ZNF33A: variants seen among roughly 807,000 people sequenced by gnomAD.
ZNF33A encodes the protein zinc finger protein 33A.
A neutral mutation model predicts 15.9 loss-of-function variants in ZNF33A; 9 were observed. The ratio of observed to expected loss-of-function variants is 0.57; its 90% CI spans 0.34 to 0.99. The LOEUF is 0.99. Ranked by LOEUF, ZNF33A falls within the 50% of genes least tolerant of loss-of-function variation. ZNF33A has a pLI of 0.02. For missense variants in ZNF33A, 843 were observed against 941.6 expected (o/e 0.90, Z 1.37); for synonymous variants, 294 against 324.2 (o/e 0.91, Z 1.00).
chr10:38,040,074 A>AT (rs1402861952), intron 4 of ZNF33A, among the ~76,000 whole-genome samples: 7 of 151,292 alleles, frequency 4.6e-5, no homozygotes, highest in Non-Finnish European at 8.8e-5. Context: ...ATCTCAAAGC[A>AT]TTTTTTCTAA....
At position 38,056,283 on chromosome 10, in the gene ZNF33A, C is replaced by G. The variant is rs1199989468; in HGVS notation, c.2159C>G (p.Ser720Cys). The G allele has an allele frequency of 4.3e-6, 7 of 1,613,982 alleles. No individual in the cohort carries two copies. Among genetic ancestry groups the G allele is most frequent in the Non-Finnish European group, 5.1e-6 (6 of 1,180,008 alleles). The change falls in exon 5 of 5, where the codon TCT (serine) becomes TGT (cysteine). Residue 720 changes from serine (S) to cysteine (C), a missense_variant. Physicochemically the swap from Ser to Cys is moderately radical, Grantham distance 112. Transcript: ENST00000432900. ...CACAGGGCTCACACAGGAGAGAAAT[C>G]TTGTCAATGTAATGAATGTGGAAAA... The part of the protein sequence containing the change: ...VHHRAHTGEK[S>C]CQCNECGKIF...
chr10:38,045,812 A>T (rs2065923480), intron 4 of ZNF33A, among the ~76,000 whole-genome samples: 1 of 152,040 alleles, frequency 6.6e-6, no homozygotes, highest in African/African-American at 2.4e-5. Context: ...ACTCACCCAC[A>T]CTCTGCTCTG....
chr10:38,062,139 GT>G (rs1319233497), downstream of ZNF33A, among the ~76,000 whole-genome samples: 1 of 152,076 alleles, frequency 6.6e-6, no homozygotes, highest in Non-Finnish European at 1.5e-5. Flanking sequence ...TTTCTGACAT[GT>G]GAGGGCCCAG....
At chr10:38,015,083 C>G (rs1564831900) in intron 2 of ZNF33A, among the ~76,000 whole-genome samples, 1 of 152,060 alleles carries the variant, frequency 6.6e-6, no homozygotes, top group Non-Finnish European at 1.5e-5. Flanking sequence ...CCATGTTGGC[C>G]AGGCTGGTCT....
At chr10:38,066,696 AG>A (rs2066712827), downstream of ZNF33A, among the ~76,000 whole-genome samples, 1 of 151,872 alleles carries the variant, frequency 6.6e-6, no homozygotes, top group South Asian at 2.1e-4. Flanking sequence ...GCACTTTGGG[AG>A]GCCAAGGTGG....
At position 38,056,087 on chromosome 10, in the gene ZNF33A, C is replaced by A; in HGVS notation, c.1963C>A (p.His655Asn). The change falls in exon 5 of 5, where the codon CAT (histidine) becomes AAT (asparagine). Residue 655 changes from histidine (H) to asparagine (N), a missense_variant. Coordinates refer to ENST00000432900, the MANE Select transcript of ZNF33A (RefSeq NM_006954.2). ...AFCHKSALIV[H>N]QRTHTQEKPY... ...CTGCCATAAGTCAGCTCTAATTGTACATCAGAGAACCCATACACAAGAAAA... is the reference window on the plus strand; with the variant it reads ...CTGCCATAAGTCAGCTCTAATTGTAAATCAGAGAACCCATACACAAGAAAA... The A allele has an allele frequency of 6.2e-7, 1 of 1,614,068 alleles. No homozygotes were observed. Among genetic ancestry groups the A allele is most frequent in the Non-Finnish European group, 8.5e-7 (1 of 1,180,004 alleles).
At position 38,039,407 on chromosome 10, in the gene ZNF33A, T is replaced by C. The variant is rs1008940763; in HGVS notation, c.251-14968T>C. 80 of 449,096 alleles carry C rather than the reference T, an allele frequency of 1.8e-4. No homozygotes were observed. In the Admixed American group the frequency reaches 1.9e-3, roughly 11 times the overall value. The allele number at this position is 449,096 out of a possible 1,614,324, so 27.8% of individuals were successfully genotyped here. ...CCAGCTAATTTTTTGTGTTTTTTTTTTGTAGAGATGGGGTTTCACCATGTT... is the reference window on the plus strand; with the variant it reads ...CCAGCTAATTTTTTGTGTTTTTTTTCTGTAGAGATGGGGTTTCACCATGTT... On this transcript the variant is annotated intron_variant, in intron 4 of 4. Transcript: ENST00000432900.
At chr10:38,062,391 C>T (rs1407823650), downstream of ZNF33A, among the ~76,000 whole-genome samples, 1 of 152,236 alleles carries the variant, frequency 6.6e-6, no homozygotes, top group East Asian at 1.9e-4. Flanking sequence ...GGCCATGCTA[C>T]ACTCTCATCT....
At chr10:38,053,658 C>T (rs1217644323) in intron 4 of ZNF33A, among the ~76,000 whole-genome samples, 2 of 152,134 alleles carry the variant, frequency 1.3e-5, no homozygotes, top group Non-Finnish European at 1.5e-5. Context: ...GATTACTCTG[C>T]CCTCTTTACA....
intron 4 of ZNF33A, among the ~76,000 whole-genome samples, chr10:38,042,056 G>A (rs1590632440): frequency 2.0e-5 from 3 of 152,224 alleles, no homozygotes; most frequent in East Asian, 3.9e-4. Flanking sequence ...AGAAAGATAG[G>A]AAGTATCTAT....
At chr10:38,013,609 C>T (rs2064302180) in intron 2 of ZNF33A, among the ~76,000 whole-genome samples, 1 of 151,636 alleles carries the variant, frequency 6.6e-6, no homozygotes, top group South Asian at 2.1e-4. Context: ...TAGGCACGCA[C>T]CACCATACCC....
intron 4 of ZNF33A, among the ~76,000 whole-genome samples, chr10:38,053,910 G>C (rs12765477): frequency 6.6e-6 from 1 of 152,132 alleles, no homozygotes; most frequent in Non-Finnish European, 1.5e-5. Flanking sequence ...TCTCTTTGTA[G>C]GCATGGGCTG....
downstream of ZNF33A, among the ~76,000 whole-genome samples, chr10:38,065,679 A>G (rs946824378): frequency 6.6e-6 from 1 of 150,664 alleles, no homozygotes; most frequent in South Asian, 2.1e-4. Context: ...TTGCCAGTGC[A>G]CCAGCCAATT....
chr10:38,011,937 G>T (rs576203278), intron 1 of ZNF33A, among the ~76,000 whole-genome samples: 43 of 152,192 alleles, frequency 2.8e-4, no homozygotes, highest in African/African-American at 9.9e-4. Flanking sequence ...TAGTGTTAAT[G>T]TTCCTTCATT....
At chr10:38,053,343 G>C (rs1367920469) in intron 4 of ZNF33A, among the ~76,000 whole-genome samples, 1 of 152,072 alleles carries the variant, frequency 6.6e-6, no homozygotes, top group Non-Finnish European at 1.5e-5. Flanking sequence ...CCTTTTCTCT[G>C]TGCATATGAC....
At chr10:38,031,973 T>C (rs2065233077) in intron 4 of ZNF33A, among the ~76,000 whole-genome samples, 1 of 151,736 alleles carries the variant, frequency 6.6e-6, no homozygotes, top group South Asian at 2.1e-4. Context: ...CAAAATAAAA[T>C]AAAATAAAAT....
In ZNF33A at chr10:38,054,884, A is replaced by G. The variant is rs770216606; in HGVS notation, c.760A>G (p.Arg254Gly). Residue 254 changes from arginine (R) to glycine (G), a missense_variant, in exon 5 of 5, where the codon AGA becomes GGA. Physicochemically the swap from Arg to Gly is moderately radical, Grantham distance 125. Transcript: ENST00000432900. Reference sequence around the variant, plus strand: ...TAACTGTGATTATAATGAATTTGGGAGAACTTTGTGTGATAGTTCATCCCT... The same window carrying G: ...TAACTGTGATTATAATGAATTTGGGGGAACTTTGTGTGATAGTTCATCCCT... ...ENNCDYNEFG[R>G]TLCDSSSLLF... 3.2e-5 allele frequency: 52 copies of G among 1,613,630 alleles called. No homozygotes were observed. Among genetic ancestry groups the G allele is most frequent in the Non-Finnish European group, 4.3e-5 (51 of 1,180,006 alleles).
intron 4 of ZNF33A, among the ~76,000 whole-genome samples, chr10:38,038,125 ATTTAT>A (rs1397848278): frequency 6.6e-6 from 1 of 152,016 alleles, no homozygotes; most frequent in Non-Finnish European, 1.5e-5. Context: ...TGTATATGGA[ATTTAT>A]TTTATTTATT....
chr10:38,010,995 C>A (rs996825941), intron 1 of ZNF33A, among the ~76,000 whole-genome samples: 1 of 152,208 alleles, frequency 6.6e-6, no homozygotes. Context: ...CAGCGTGTGT[C>A]GCCCCATTTG....
Sources: allele counts gnomAD v4.1 joint callset (sites outside exome capture counted in the v4.1 genomes callset), GRCh38; gene constraint gnomAD v4.1.1; transcripts MANE v1.5; gene names NCBI Gene and HGNC (gene_info 2026-07-23, HGNC 2026-07-21).